Variants in PLPPR1 observed in about 807,000 individuals in gnomAD.
PLPPR1 encodes the protein phospholipid phosphatase related 1.
PLPPR1 carries 10 observed loss-of-function variants against 33.1 expected under a neutral mutation model. That is an observed-to-expected ratio of 0.30 (90% CI 0.19 to 0.51). The LOEUF (loss-of-function observed/expected upper bound fraction) is 0.51, where lower values mean the gene tolerates loss of function less well. Ranked by LOEUF, PLPPR1 falls within the 20% of genes least tolerant of loss-of-function variation. PLPPR1 has a pLI of 0.97. For synonymous variants in PLPPR1, 151 were observed against 151.0 expected (o/e 1.00, Z 0.00); for missense variants, 304 against 408.1 (o/e 0.74, Z 2.20).
At chr9:101,067,986 C>A (rs1336031982) in intron 1 of PLPPR1, among the ~76,000 whole-genome samples, 1 of 152,028 alleles carries the variant, frequency 6.6e-6, no homozygotes, top group Non-Finnish European at 1.5e-5. Context: ...ATATGCTTAA[C>A]ATAATGCTAA....
At chr9:101,120,999 T>C (rs1831173019) in intron 1 of PLPPR1, among the ~76,000 whole-genome samples, 1 of 152,106 alleles carries the variant, frequency 6.6e-6, no homozygotes. Context: ...CACAAGGAGG[T>C]GAACTATAAT....
At chr9:101,307,041 G>A (rs1206677910) in intron 4 of PLPPR1, among the ~76,000 whole-genome samples, 1 of 152,220 alleles carries the variant, frequency 6.6e-6, no homozygotes, top group Non-Finnish European at 1.5e-5. Flanking sequence ...GGGCTTCCCA[G>A]GCTGATGCGG....
At chr9:101,236,362 T>C (rs1160380277) in intron 2 of PLPPR1, among the ~76,000 whole-genome samples, 2 of 151,804 alleles carry the variant, frequency 1.3e-5, no homozygotes, top group Admixed American at 6.6e-5. Flanking sequence ...TTCTAATATT[T>C]GAACAGAGGA....
At chr9:101,284,076 C>T (rs1379233292) in intron 3 of PLPPR1, among the ~76,000 whole-genome samples, 1 of 150,528 alleles carries the variant, frequency 6.6e-6, no homozygotes, top group African/African-American at 2.4e-5. Flanking sequence ...ATGGAGGTGC[C>T]TCAAAAAATT....
intron 1 of PLPPR1, among the ~76,000 whole-genome samples, chr9:101,181,113 G>GATATATATTAGATATATATCTA (rs1826102438): frequency 6.8e-6 from 1 of 146,760 alleles, no homozygotes; most frequent in African/African-American, 2.5e-5. Context: ...ATGGCCAACA[G>GATATATATTAGATATATATCTA]ATATATATTA....
intron 1 of PLPPR1, among the ~76,000 whole-genome samples, chr9:101,147,793 C>A (rs545218787): frequency 3.3e-5 from 5 of 152,264 alleles, no homozygotes; most frequent in African/African-American, 9.6e-5. Flanking sequence ...TCCGAAGAAC[C>A]CTGTGGGATA....
intron 1 of PLPPR1, among the ~76,000 whole-genome samples, chr9:101,089,059 A>G (rs1292870125): frequency 2.0e-5 from 3 of 152,180 alleles, no homozygotes; most frequent in African/African-American, 7.2e-5. Flanking sequence ...TGGATCTCTG[A>G]TTCCTGATAA....
At chr9:101,082,452 G>A (rs1305558494) in intron 1 of PLPPR1, among the ~76,000 whole-genome samples, 1 of 152,106 alleles carries the variant, frequency 6.6e-6, no homozygotes, top group Non-Finnish European at 1.5e-5. Context: ...TAGGAAAAAA[G>A]TGGTTTGCCC....
In PLPPR1 at chr9:101,324,224, ATTT is replaced by A. The variant is rs10560929; in HGVS notation, c.*183_*185del. The A allele has an allele frequency of 0.052, 18,495 of 354,192 alleles. 345 individuals are homozygous for A. The highest frequency in any genetic ancestry group is 0.15 in the African/African-American group (5,985 of 40,498). 21.9% of individuals were successfully genotyped at this position (354,192 alleles called of 1,614,324 possible). A position where few individuals can be genotyped will look rare whatever the true frequency, so the allele number is the denominator to read the frequency against. ...TGAGGAAGTGATGTAGCTTGCCCTG[ATTT>A]TTTTTTTTTTTTTTTGGTCAGCTTT... On this transcript the variant is annotated 3_prime_UTR_variant, in exon 8 of 8. Coordinates refer to ENST00000374874, the MANE Select transcript of PLPPR1 (RefSeq NM_207299.2).
intron 1 of PLPPR1, among the ~76,000 whole-genome samples, chr9:101,168,643 G>A (rs1008605427): frequency 2.6e-5 from 4 of 152,126 alleles, no homozygotes; most frequent in Non-Finnish European, 5.9e-5. Context: ...ATGACTCAAA[G>A]CCTAAGATAA....
chr9:101,200,901 T>C (rs1465054066), intron 2 of PLPPR1, among the ~76,000 whole-genome samples: 1 of 152,212 alleles, frequency 6.6e-6, no homozygotes, highest in East Asian at 1.9e-4. Context: ...TGGAACTACA[T>C]GTTATTAGAC....
intron 3 of PLPPR1, among the ~76,000 whole-genome samples, chr9:101,273,134 TG>T (rs1828129607): frequency 6.6e-6 from 1 of 152,236 alleles, no homozygotes; most frequent in Non-Finnish European, 1.5e-5. Context: ...TGCAGTATTG[TG>T]GGTAAGATCT....
intron 1 of PLPPR1, among the ~76,000 whole-genome samples, chr9:101,156,585 AG>A (rs1206163158): frequency 2.0e-5 from 3 of 150,576 alleles, no homozygotes; most frequent in Non-Finnish European, 4.4e-5. Context: ...AAAGAAAGAA[AG>A]AAAAAAAAGA....
At chr9:101,036,671 G>A (rs1440735743) in intron 1 of PLPPR1, among the ~76,000 whole-genome samples, 1 of 137,080 alleles carries the variant, frequency 7.3e-6, no homozygotes, top group Admixed American at 7.8e-5. Context: ...AAGCTTGGAA[G>A]GTAGAATGAC....
At chr9:101,237,640 T>TACAC (rs1401242491) in intron 2 of PLPPR1, among the ~76,000 whole-genome samples, 2 of 130,132 alleles carry the variant, frequency 1.5e-5, no homozygotes, top group South Asian at 4.9e-4. Flanking sequence ...CATATATATA[T>TACAC]ATACACACAC....
chr9:101,263,629 C>A (rs1002977514), intron 2 of PLPPR1, among the ~76,000 whole-genome samples: 1 of 152,128 alleles, frequency 6.6e-6, no homozygotes, highest in Non-Finnish European at 1.5e-5. Context: ...ATTCTGCTGA[C>A]TTATATTTGT....
At chr9:101,166,284 G>A (rs986570704) in intron 1 of PLPPR1, among the ~76,000 whole-genome samples, 8 of 152,078 alleles carry the variant, frequency 5.3e-5, no homozygotes, top group Non-Finnish European at 1.2e-4. Context: ...TACATCCAAA[G>A]ATCAGTTTTT....
At chr9:101,047,004 A>G (rs749244177) in intron 1 of PLPPR1, among the ~76,000 whole-genome samples, 6 of 152,130 alleles carry the variant, frequency 3.9e-5, no homozygotes, top group Non-Finnish European at 8.8e-5. Context: ...TTTTGGGATG[A>G]AACTGTTCCA....
chr9:101,082,071 T>C (rs1282742178), intron 1 of PLPPR1, among the ~76,000 whole-genome samples: 1 of 152,186 alleles, frequency 6.6e-6, no homozygotes. Context: ...TGGGCTTCAT[T>C]TTTGAGAGTG....
Sources: allele counts gnomAD v4.1 joint callset (sites outside exome capture counted in the v4.1 genomes callset), GRCh38; gene constraint gnomAD v4.1.1; transcripts MANE v1.5; gene names NCBI Gene and HGNC (gene_info 2026-07-23, HGNC 2026-07-21).